PPFIA3: variants seen among roughly 807,000 people sequenced by gnomAD.
PPFIA3 encodes liprin-alpha-3.
Under a neutral mutation model 145.8 loss-of-function variants are expected in PPFIA3, and 26 were observed. That is an observed-to-expected ratio of 0.18 (90% confidence interval 0.13 to 0.25). The LOEUF (loss-of-function observed/expected upper bound fraction) is 0.25, where lower values mean the gene tolerates loss of function less well. Ranked by LOEUF, PPFIA3 falls within the 10% of genes least tolerant of loss-of-function variation. PPFIA3 has a pLI of 1.00. For missense variants in PPFIA3, 1,008 were observed against 1,587.8 expected, an observed-to-expected ratio of 0.63 and a Z score of 6.21; for synonymous variants, 645 against 661.4, an observed-to-expected ratio of 0.98 and a Z score of 0.38.
At chr19:49,122,714 G>GTTTTTTTTTTT (rs200075853) in intron 1 of PPFIA3, among the ~76,000 whole-genome samples, 4 of 114,848 alleles carry the variant, frequency 3.5e-5, no homozygotes, top group African/African-American at 6.3e-5. Flanking sequence ...TTGTTTAGTT[G>GTTTTTTTTTTT]TTTTTTTTTT....
chr19:49,142,166 G>T (rs1555744633), intron 20 of PPFIA3, 51 bp downstream of exon 20: 2 of 1,501,586 alleles, frequency 1.3e-6, no homozygotes, highest in Admixed American at 2.0e-5. Context: ...CCCTCTGACA[G>T]CCCCACTGGT....
Position 49,150,879 on chromosome 19 carries a change from A to C in PPFIA3, c.*657A>C. 1 of 163,004 alleles carries C rather than the reference A, an allele frequency of 6.1e-6. No homozygotes were observed. The highest frequency in any genetic ancestry group is 1.3e-5 in the Non-Finnish European group (1 of 75,204). The allele number at this position is 163,004 out of a possible 1,614,324, so 10.1% of individuals were successfully genotyped here. A position where few individuals can be genotyped will look rare whatever the true frequency, so the allele number is the denominator to read the frequency against. On this transcript the variant is annotated 3_prime_UTR_variant, in exon 30 of 30. Transcript: ENST00000334186. ...CTTCTCCTCTGGCTCCGGGGTTTGC[A>C]TGGGAGAATCCTCTTTCCACGATGC...
Position 49,149,350 on chromosome 19 carries a change from G to A in PPFIA3, c.3354+25G>A, listed in dbSNP as rs376357966. ...GGTGGGCGCGGCAACAGCTCAGAGGGCTCTGCTCCCAGCGGCTCCTCGAGA... is the reference window on the plus strand; with the variant it reads ...GGTGGGCGCGGCAACAGCTCAGAGGACTCTGCTCCCAGCGGCTCCTCGAGA... On this transcript the variant is annotated intron_variant, in intron 27 of 29. Transcript: ENST00000334186. The surrounding 1 kb of genome is among the most constrained non-coding windows in gnomAD (Gnocchi z 5.7). 17 of 1,612,896 alleles carry A rather than the reference G, an allele frequency of 1.1e-5. No homozygotes were observed. Among genetic ancestry groups the A allele is most frequent in the Non-Finnish European group, 1.3e-5 (15 of 1,179,260 alleles).
rs2041036733 is a variant in PPFIA3, at chr19:49,128,930, C to A, written c.425C>A (p.Ser142Tyr). 1.9e-6 allele frequency: 3 copies of A among 1,613,806 alleles called. No homozygotes were observed. The highest frequency in any genetic ancestry group is 2.5e-6 in the Non-Finnish European group (3 of 1,179,864). The change falls in exon 4 of 30, where the codon TCC becomes TAC. Residue 142 changes from serine to tyrosine, a missense_variant. By Grantham distance (144) the Ser-to-Tyr change is moderately radical (BLOSUM62 -2). Transcript: ENST00000334186. This position sits in a 1 kb window ranked among gnomAD's most constrained non-coding sequence, Gnocchi z 4.1. ...RMTVVKRQAQ[S>Y]PGGVSSEVEV... ...ACCGTGGTGAAGCGCCAGGCCCAGT[C>A]CCCGGGTGGGGTCTCCTCGGAGGTA...
intron 7 of PPFIA3, among the ~76,000 whole-genome samples, chr19:49,131,480 C>T (rs564830463): frequency 6.6e-6 from 1 of 151,864 alleles, no homozygotes; most frequent in South Asian, 2.1e-4. Context: ...CTGCGTCCAG[C>T]CTCTAAATGG....
chr19:49,136,789 C>T lies in PPFIA3; in HGVS notation c.1731C>T (p.Ser577=), dbSNP rs762418750. ...PPPFPGELDG[S]DEEEAEGMFG... Reference sequence around the variant, plus strand: ...CATTCCCTGGGGAACTGGACGGCTCCGATGAGGAGGAGGCAGAGGGGATGT... The same window carrying T: ...CATTCCCTGGGGAACTGGACGGCTCTGATGAGGAGGAGGCAGAGGGGATGT... The change falls in exon 15 of 30, where the codon TCC becomes TCT. Residue 577 remains serine (S), a synonymous_variant. Transcript: ENST00000334186. 11 of 1,592,038 alleles carry T rather than the reference C, an allele frequency of 6.9e-6. No individual in the cohort carries two copies. The highest frequency in any genetic ancestry group is 6.9e-5 in the South Asian group (6 of 87,408).
chr19:49,146,608 G>A (rs1159068102), intron 23 of PPFIA3, among the ~76,000 whole-genome samples: 1 of 152,128 alleles, frequency 6.6e-6, no homozygotes, highest in African/African-American at 2.4e-5. Flanking sequence ...TGAGAAGTTG[G>A]GGAGGAGGAG....
At chr19:49,129,289 C>A in intron 4 of PPFIA3, 91 bp from the exon 5 acceptor site, 1 of 1,355,348 alleles carries the variant, frequency 7.4e-7, no homozygotes, top group Non-Finnish European at 1.0e-6. Flanking sequence ...GCTGCCCTAT[C>A]GGATCCGTCC....
chr19:49,138,143 A>G, intron 15 of PPFIA3, 62 bp from the exon 16 acceptor site: 1 of 1,475,132 alleles, frequency 6.8e-7, no homozygotes, highest in Non-Finnish European at 9.1e-7. Context: ...TTGTGCTCCC[A>G]GATTCCCTCT....
chr19:49,136,947 G>A (rs370318589), intron 15 of PPFIA3, 36 bp downstream of exon 15: 3 of 1,457,212 alleles, frequency 2.1e-6, no homozygotes, highest in Non-Finnish European at 1.8e-6. Context: ...GCCCTGCCCT[G>A]CCGGAGCTGA....
chr19:49,147,757 G>T (rs1488931991), intron 23 of PPFIA3, among the ~76,000 whole-genome samples: 2 of 151,066 alleles, frequency 1.3e-5, no homozygotes, highest in Non-Finnish European at 2.9e-5. Flanking sequence ...TGTATATTTC[G>T]AATCACCTGA....
intron 18 of PPFIA3, among the ~76,000 whole-genome samples, chr19:49,140,639 CTTTTTTTTTTTTT>C (rs4002348): frequency 8.9e-4 from 57 of 63,838 alleles, no homozygotes; most frequent in African/African-American, 3.4e-3. Flanking sequence ...ACTCATTTAC[CTTTTTTTTTTTTT>C]TTTTTTTTTT....
At chr19:49,137,053 C>A in intron 15 of PPFIA3, 142 bp downstream of exon 15, 1 of 761,486 alleles carries the variant, frequency 1.3e-6, no homozygotes, top group Non-Finnish European at 2.0e-6. Flanking sequence ...ACTCACTCCG[C>A]TGTCCAGGCA....
chr19:49,150,504 A>C lies in PPFIA3; in HGVS notation c.*282A>C. ...CTTTTCTCTACTTTGTAATTTATTG[A>C]TCAGTTTCTGTTGGGAGACGGGTGT... On this transcript the variant is annotated 3_prime_UTR_variant, in exon 30 of 30. Transcript: ENST00000334186. 1 of 185,512 alleles carries C rather than the reference A, an allele frequency of 5.4e-6. No individual in the cohort carries two copies. Among genetic ancestry groups the C allele is most frequent in the African/African-American group, 2.3e-5 (1 of 42,698 alleles). The allele number at this position is 185,512 out of a possible 1,614,324, so 11.5% of individuals were successfully genotyped here.
rs1294839165 is a variant in PPFIA3, at chr19:49,133,396, C to T, written c.1161+25C>T. 6.3e-7 allele frequency: 1 copy of T among 1,574,940 alleles called. No individual in the cohort carries two copies. Among genetic ancestry groups the T allele is most frequent in the Non-Finnish European group, 8.6e-7 (1 of 1,161,620 alleles). ...GGTGCGGGGAGGACTCGGGTCGGGG[C>T]CTTGCGTGGGGAAGGGGTGGGGCCT... On this transcript the variant is annotated intron_variant, in intron 9 of 29. Coordinates refer to ENST00000334186, the MANE Select transcript of PPFIA3 (RefSeq NM_003660.4). This position sits in a 1 kb window ranked among gnomAD's most constrained non-coding sequence, Gnocchi z 7.2.
At chr19:49,119,849 C>T (rs1364454482) in intron 1 of PPFIA3, 127 bp downstream of exon 1, 2 of 152,078 alleles carry the variant, frequency 1.3e-5, no homozygotes, top group Non-Finnish European at 2.9e-5. Flanking sequence ...AGATTTCACA[C>T]CCCAACCCCG....
chr19:49,121,593 A>G (rs1476236067), intron 1 of PPFIA3, among the ~76,000 whole-genome samples: 1 of 152,118 alleles, frequency 6.6e-6, no homozygotes, highest in Non-Finnish European at 1.5e-5. Context: ...CCTGGCCAAC[A>G]TGGAGAAACC....
intron 1 of PPFIA3, among the ~76,000 whole-genome samples, chr19:49,122,664 GA>G (rs1282559579): frequency 2.0e-5 from 3 of 151,544 alleles, no homozygotes; most frequent in African/African-American, 7.3e-5. Context: ...AGGTTCTAAG[GA>G]AGTTCTATCT....
At chr19:49,143,031 C>A in intron 21 of PPFIA3, 27 bp downstream of exon 21, 1 of 1,593,190 alleles carries the variant, frequency 6.3e-7, no homozygotes, top group Admixed American at 1.7e-5. Context: ...CAATTCCAGC[C>A]TTCGCTTCCT....
Sources: allele counts gnomAD v4.1 joint callset (sites outside exome capture counted in the v4.1 genomes callset), GRCh38; gene constraint gnomAD v4.1.1; non-coding constraint Gnocchi (gnomAD v3.1); transcripts MANE v1.5; gene names NCBI Gene and HGNC (gene_info 2026-07-23, HGNC 2026-07-21).